ANKS1B: variants seen among roughly 807,000 people sequenced by gnomAD.
ANKS1B encodes the protein ankyrin repeat and sterile alpha motif domain-containing protein 1B.
Under a neutral mutation model 148.3 loss-of-function variants are expected in ANKS1B, and 36 were observed. That is an observed-to-expected ratio of 0.24 (90% CI 0.19 to 0.32). ANKS1B has a LOEUF of 0.32. Ranked by LOEUF, ANKS1B falls within the 10% of genes least tolerant of loss-of-function variation. The probability of loss-of-function intolerance (pLI) is 1.00; values close to 1 mark genes in which losing one functional copy is unlikely to be tolerated. For synonymous variants in ANKS1B, 542 were observed against 560.8 expected, an observed-to-expected ratio of 0.97 and a Z score of 0.47; for missense variants, 1,157 against 1,542.6, an observed-to-expected ratio of 0.75 and a Z score of 4.19.
At chr12:99,833,634 T>G (rs2084368246) in intron 1 of ANKS1B, among the ~76,000 whole-genome samples, 1 of 152,184 alleles carries the variant, frequency 6.6e-6, no homozygotes, top group Non-Finnish European at 1.5e-5. Flanking sequence ...TTAAAACTGA[T>G]TAGAACACTA....
intron 8 of ANKS1B, among the ~76,000 whole-genome samples, chr12:99,697,910 T>C (rs938994142): frequency 1.3e-5 from 2 of 152,126 alleles, no homozygotes; most frequent in African/African-American, 4.8e-5. Context: ...GTAAAGTCTA[T>C]TAATTTTTTT....
rs879432610 is a variant in ANKS1B, at chr12:99,518,174, AT to A, written c.1273-13534del. ...ATATTAGTCAGAGATACTGACCAGT[AT>A]TTTTTTTTATGGGTCTTTGTCTGGT... On this transcript the variant is annotated intron_variant, in intron 9 of 26. Coordinates refer to ENST00000683438, the MANE Select transcript of ANKS1B (RefSeq NM_001352186.2). 9.1e-3 allele frequency among the ~76,000 whole-genome samples: 1,374 copies of A among 151,126 alleles called. 20 individuals are homozygous for A. The highest frequency in any genetic ancestry group is 0.032 in the African/African-American group (1,315 of 41,234).
At chr12:99,574,347 G>T (rs1243437335) in intron 9 of ANKS1B, among the ~76,000 whole-genome samples, 19 of 151,972 alleles carry the variant, frequency 1.3e-4, no homozygotes. Flanking sequence ...TGTTGCCAGG[G>T]AATTGGATAA....
intron 17 of ANKS1B, among the ~76,000 whole-genome samples, chr12:99,039,944 T>C (rs1186091180): frequency 6.6e-6 from 1 of 152,156 alleles, no homozygotes; most frequent in African/African-American, 2.4e-5. Context: ...GACTCATAGA[T>C]TTAGTTCTCT....
intron 19 of ANKS1B, among the ~76,000 whole-genome samples, chr12:98,812,974 A>T (rs993914932): frequency 1.3e-5 from 2 of 152,244 alleles, no homozygotes; most frequent in East Asian, 3.8e-4. Context: ...TGCTGCATTC[A>T]TAATATGAAA....
chr12:99,159,818 G>A (rs959947742), intron 14 of ANKS1B, among the ~76,000 whole-genome samples: 2 of 152,182 alleles, frequency 1.3e-5, no homozygotes, highest in Admixed American at 1.3e-4. Flanking sequence ...GCTTTCCACA[G>A]AGTCTGAACT....
chr12:99,363,232 A>C (rs1593121032), intron 12 of ANKS1B, among the ~76,000 whole-genome samples: 1 of 152,164 alleles, frequency 6.6e-6, no homozygotes. Flanking sequence ...GGAAGGTAAA[A>C]CTTAAAGGAG....
chr12:98,894,874 G>C (rs112289637), intron 17 of ANKS1B: 1 of 977,704 alleles, frequency 1.0e-6, no homozygotes, highest in Non-Finnish European at 1.2e-6. Flanking sequence ...CGAGCTCCCC[G>C]GGCCCGCGCG....
intron 8 of ANKS1B, among the ~76,000 whole-genome samples, chr12:99,742,061 T>C (rs10860503): frequency 0.44 from 66,357 of 151,582 alleles, 14,931 homozygotes; most frequent in South Asian, 0.61. Context: ...TGAGAACACA[T>C]GGACACATAC....
intron 11 of ANKS1B, among the ~76,000 whole-genome samples, chr12:99,400,777 T>C (rs2094383356): frequency 6.9e-6 from 1 of 145,380 alleles, no homozygotes; most frequent in African/African-American, 2.6e-5. Context: ...AAGTTTATTG[T>C]ACTTTACTTT....
At chr12:98,854,897 C>T (rs1013771045) in intron 17 of ANKS1B, among the ~76,000 whole-genome samples, 5 of 152,142 alleles carry the variant, frequency 3.3e-5, no homozygotes, top group African/African-American at 1.2e-4. Flanking sequence ...CGGTGGCTCA[C>T]GCCTGTAATC....
intron 12 of ANKS1B, among the ~76,000 whole-genome samples, chr12:99,274,030 A>AT (rs1489628992): frequency 6.6e-6 from 1 of 152,040 alleles, no homozygotes; most frequent in Non-Finnish European, 1.5e-5. Context: ...CAGAACCCTT[A>AT]TTTTTTAGGG....
intron 14 of ANKS1B, among the ~76,000 whole-genome samples, chr12:99,207,807 C>A (rs2082867170): frequency 1.3e-5 from 2 of 151,884 alleles, no homozygotes; most frequent in East Asian, 3.9e-4. Flanking sequence ...AATTTTTCTC[C>A]TAAGTAGAAT....
chr12:99,154,172 T>C, intron 15 of ANKS1B, 117 bp downstream of exon 15: 1 of 1,274,406 alleles, frequency 7.8e-7, no homozygotes, highest in Non-Finnish European at 1.1e-6. Flanking sequence ...TCCAATGCAG[T>C]TACATATATA....
At chr12:99,609,044 A>G (rs1340303751) in intron 9 of ANKS1B, among the ~76,000 whole-genome samples, 1 of 152,038 alleles carries the variant, frequency 6.6e-6, no homozygotes, top group East Asian at 1.9e-4. Flanking sequence ...AACAAAAATC[A>G]CACTAACAAG....
chr12:99,236,789 A>G (rs963113414), intron 14 of ANKS1B, among the ~76,000 whole-genome samples: 2 of 152,218 alleles, frequency 1.3e-5, no homozygotes, highest in Admixed American at 6.5e-5. Flanking sequence ...ATGAGATTAT[A>G]TCCTTTGCAG....
intron 14 of ANKS1B, among the ~76,000 whole-genome samples, chr12:99,158,529 C>T (rs1287510383): frequency 2.0e-5 from 3 of 152,238 alleles, no homozygotes; most frequent in Non-Finnish European, 4.4e-5. Flanking sequence ...AGGAGCTCCA[C>T]AGGTCCAAGC....
rs559594256 is a variant in ANKS1B at position 99,797,545 on chromosome 12, AT to A, written c.669+8858del. Among the ~76,000 whole-genome samples, 415 of 151,774 alleles carry A rather than the reference AT, an allele frequency of 2.7e-3. 5 individuals are homozygous for A. Among genetic ancestry groups the A allele is most frequent in the African/African-American group, 9.7e-3 (402 of 41,386 alleles). On this transcript the variant is annotated intron_variant, in intron 4 of 26. Coordinates refer to ENST00000683438, the MANE Select transcript of ANKS1B (RefSeq NM_001352186.2). ...ATTCTCCATTTTATTTAAATTAATC[AT>A]TTAAAAAAAACAAAATTTCCAAAAT... is the stretch of plus-strand genomic sequence containing the variant.
chr12:98,945,511 A>C (rs868440602), intron 17 of ANKS1B, among the ~76,000 whole-genome samples: 89 of 115,022 alleles, frequency 7.7e-4, no homozygotes, highest in East Asian at 4.2e-3. Flanking sequence ...CAAACAAAAA[A>C]AAAAAAAAAA....
Sources: allele counts gnomAD v4.1 joint callset (sites outside exome capture counted in the v4.1 genomes callset), GRCh38; gene constraint gnomAD v4.1.1; transcripts MANE v1.5; gene names NCBI Gene and HGNC (gene_info 2026-07-23, HGNC 2026-07-21).